Variants in TRDN observed in about 807,000 individuals in gnomAD.
The protein encoded by TRDN is triadin in skeletal muscle.
In TRDN, 161 loss-of-function variants were observed where a neutral mutation model predicts 149.7. That is an observed-to-expected ratio of 1.08 (90% CI 0.95 to 1.23). The LOEUF is 1.23. Among genes scored for constraint, TRDN ranks in the 50% most tolerant of loss-of-function variants. The probability of loss-of-function intolerance (pLI) is 0.00; values close to 1 mark genes in which losing one functional copy is unlikely to be tolerated. For synonymous variants in TRDN, 294 were observed against 250.5 expected (o/e 1.17, Z -1.64); for missense variants, 896 against 823.5 (o/e 1.09, Z -1.08).
chr6:123,381,086 G>T lies in TRDN; in HGVS notation c.1186+284C>A, dbSNP rs532483081. On this transcript the variant is annotated intron_variant, in intron 16 of 40. Coordinates refer to ENST00000334268, the MANE Select transcript of TRDN (RefSeq NM_006073.4). ...ACTAAATTTACAAAAACATAAGTCAGTTTGGGTTAATGGAATGCAGTTTTA... is the reference window on the plus strand; with the variant it reads ...ACTAAATTTACAAAAACATAAGTCATTTTGGGTTAATGGAATGCAGTTTTA... 3.3e-5 allele frequency among the ~76,000 whole-genome samples: 5 copies of T among 152,236 alleles called. No homozygotes were observed. The East Asian group carries it at 7.7e-4, about 23-fold the overall frequency.
At chr6:123,506,713 T>C (rs2114841910) in intron 7 of TRDN, among the ~76,000 whole-genome samples, 1 of 152,192 alleles carries the variant, frequency 6.6e-6, no homozygotes, top group Non-Finnish European at 1.5e-5. Flanking sequence ...GGTCTTGAAC[T>C]CCTGACCTCA....
chr6:123,554,378 T>A (rs1403530489), intron 2 of TRDN, among the ~76,000 whole-genome samples: 2 of 152,270 alleles, frequency 1.3e-5, no homozygotes, highest in East Asian at 3.9e-4. Flanking sequence ...GATATCTAGG[T>A]GGTTCTAATT....
At chr6:123,418,739 C>T (rs1000836489) in intron 12 of TRDN, among the ~76,000 whole-genome samples, 21 of 152,036 alleles carry the variant, frequency 1.4e-4, no homozygotes, top group African/African-American at 4.8e-4. Context: ...AAAGAAAAAG[C>T]AGAAGCCTGA....
chr6:123,575,082 T>C (rs1381510171), intron 1 of TRDN, among the ~76,000 whole-genome samples: 1 of 151,642 alleles, frequency 6.6e-6, no homozygotes, highest in African/African-American at 2.4e-5. Flanking sequence ...AAATGATAAA[T>C]TAATACTGTT....
At chr6:123,576,077 A>C (rs1410934213) in intron 1 of TRDN, among the ~76,000 whole-genome samples, 3 of 151,996 alleles carry the variant, frequency 2.0e-5, no homozygotes, top group Non-Finnish European at 4.4e-5. Flanking sequence ...AGAGAAAGGA[A>C]GTATATACTA....
At chr6:123,338,593 C>T (rs746058973) in intron 21 of TRDN, among the ~76,000 whole-genome samples, 3 of 152,162 alleles carry the variant, frequency 2.0e-5, no homozygotes, top group Non-Finnish European at 2.9e-5. Flanking sequence ...CCATCCTTCA[C>T]ATCCAGGAGT....
At chr6:123,623,406 T>A (rs1364125524) in intron 1 of TRDN, among the ~76,000 whole-genome samples, 1 of 152,136 alleles carries the variant, frequency 6.6e-6, no homozygotes, top group Non-Finnish European at 1.5e-5. Context: ...TATGTTCTTG[T>A]TAACTGTGGT....
intron 12 of TRDN, among the ~76,000 whole-genome samples, chr6:123,426,312 G>A (rs1300024402): frequency 1.3e-5 from 2 of 152,148 alleles, no homozygotes; most frequent in Non-Finnish European, 2.9e-5. Context: ...ACAGTTTGGA[G>A]AGAGTAGTCT....
At chr6:123,447,172 A>G (rs532503157) in intron 10 of TRDN, among the ~76,000 whole-genome samples, 38 of 151,926 alleles carry the variant, frequency 2.5e-4, no homozygotes, top group African/African-American at 4.8e-4. Flanking sequence ...TCTTCTCATT[A>G]TCAACTGTTA....
chr6:123,242,988 G>T (rs1776044225), intron 38 of TRDN, among the ~76,000 whole-genome samples: 1 of 152,158 alleles, frequency 6.6e-6, no homozygotes, highest in African/African-American at 2.4e-5. Context: ...ACTGTGTCCT[G>T]CCCTGGAGTC....
intron 12 of TRDN, among the ~76,000 whole-genome samples, chr6:123,431,719 C>T (rs2114573033): frequency 6.6e-6 from 1 of 152,190 alleles, no homozygotes; most frequent in African/African-American, 2.4e-5. Context: ...TAAATGTACA[C>T]ATAAATATTT....
intron 7 of TRDN, 105 bp from the exon 8 acceptor site, chr6:123,504,006 AG>A (rs1261010022): frequency 7.9e-7 from 1 of 1,264,450 alleles, no homozygotes; most frequent in Non-Finnish European, 1.1e-6. Flanking sequence ...GAGGGAAGAA[AG>A]GTAAGTCACA....
chr6:123,528,607 A>G (rs1319636454), intron 5 of TRDN: 2 of 980,888 alleles, frequency 2.0e-6, no homozygotes, highest in South Asian at 4.7e-5. Context: ...ATTCCTAACT[A>G]TCCATCACAT....
At chr6:123,279,703 A>G (rs564244904) in intron 24 of TRDN, among the ~76,000 whole-genome samples, 4 of 152,112 alleles carry the variant, frequency 2.6e-5, no homozygotes, top group Admixed American at 2.0e-4. Flanking sequence ...CTGGTCACCA[A>G]TTTCCCATTA....
intron 4 of TRDN, among the ~76,000 whole-genome samples, chr6:123,545,079 T>C (rs1781046990): frequency 6.6e-6 from 1 of 151,754 alleles, no homozygotes; most frequent in African/African-American, 2.4e-5. Context: ...TATAGGGCAG[T>C]TGAATAAAAA....
intron 12 of TRDN, among the ~76,000 whole-genome samples, chr6:123,397,400 G>A (rs1305617154): frequency 2.0e-5 from 3 of 151,992 alleles, no homozygotes; most frequent in South Asian, 2.1e-4. Context: ...TTATTTACTC[G>A]TACAACTTCC....
At chr6:123,328,882 A>T (rs1240705138) in intron 23 of TRDN, among the ~76,000 whole-genome samples, 1 of 152,148 alleles carries the variant, frequency 6.6e-6, no homozygotes, top group African/African-American at 2.4e-5. Context: ...CTGTTTAAGG[A>T]TCCAGAGCCC....
At chr6:123,572,078 G>T (rs1782609148) in intron 1 of TRDN, among the ~76,000 whole-genome samples, 1 of 152,078 alleles carries the variant, frequency 6.6e-6, no homozygotes, top group Non-Finnish European at 1.5e-5. Flanking sequence ...AATTGTGCAT[G>T]CCAGTAGTTT....
At chr6:123,422,293 T>C (rs1015643189) in intron 12 of TRDN, among the ~76,000 whole-genome samples, 1 of 152,120 alleles carries the variant, frequency 6.6e-6, no homozygotes, top group African/African-American at 2.4e-5. Context: ...AATCAGAAAA[T>C]TTCCTTAGAA....
Sources: allele counts gnomAD v4.1 joint callset (sites outside exome capture counted in the v4.1 genomes callset), GRCh38; gene constraint gnomAD v4.1.1; transcripts MANE v1.5; gene names NCBI Gene and HGNC (gene_info 2026-07-23, HGNC 2026-07-21).